The following SIL1 variants were observed in gnomAD, a reference collection of about 807,000 sequenced individuals.
SIL1 encodes the protein SIL1 nucleotide exchange factor, also known as nucleotide exchange factor SIL1.
SIL1 carries 40 observed loss-of-function variants against 49.1 expected under a neutral mutation model. The observed-to-expected ratio is 0.81, with a 90% CI of 0.63 to 1.06. SIL1 has a LOEUF of 1.06. SIL1 is among the 50% of genes least tolerant of loss of function. The pLI is 0.00. For synonymous variants in SIL1, 253 were observed against 250.8 expected (o/e 1.01, Z -0.08); for missense variants, 500 against 572.6 (o/e 0.87, Z 1.29).
At chr5:138,957,374 T>C (rs58421622) in intron 7 of SIL1, among the ~76,000 whole-genome samples, 6,220 of 145,364 alleles carry the variant, frequency 0.043, 413 homozygotes, top group African/African-American at 0.15. Context: ...AGTTTGAAAC[T>C]AGCCTGGACA....
intron 1 of SIL1, among the ~76,000 whole-genome samples, chr5:139,139,567 A>C (rs183903292): frequency 6.6e-6 from 1 of 152,256 alleles, no homozygotes; most frequent in East Asian, 1.9e-4. Context: ...CCTTGAGCAC[A>C]CTGGGCACCA....
intron 1 of SIL1, among the ~76,000 whole-genome samples, chr5:139,140,926 C>G (rs1163898844): frequency 6.6e-6 from 1 of 152,164 alleles, no homozygotes; most frequent in Non-Finnish European, 1.5e-5. Flanking sequence ...GCGGCAGCTC[C>G]ACTTCAGAGC....
At chr5:139,169,799 G>C (rs1751700095) in intron 1 of SIL1, among the ~76,000 whole-genome samples, 1 of 145,074 alleles carries the variant, frequency 6.9e-6, no homozygotes, top group Non-Finnish European at 1.5e-5. Flanking sequence ...GTATATTTAA[G>C]AAAAAAAAAA....
chr5:138,947,010 A>G lies in SIL1; in HGVS notation c.*107T>C. 2.3e-6 allele frequency: 2 copies of G among 856,602 alleles called. No homozygotes were observed. The highest frequency in any genetic ancestry group is 3.9e-6 in the Non-Finnish European group (2 of 513,686). 53.1% of individuals were successfully genotyped at this position (856,602 alleles called of 1,614,324 possible). A position where few individuals can be genotyped will look rare whatever the true frequency, so the allele number is the denominator to read the frequency against. On this transcript the variant is annotated 3_prime_UTR_variant, in exon 10 of 10. Coordinates refer to ENST00000394817, the MANE Select transcript of SIL1 (RefSeq NM_022464.5). This position sits in a 1 kb window ranked among gnomAD's most constrained non-coding sequence, Gnocchi z 4.1. Reference sequence around the variant, plus strand: ...AGGATGGCCTTCAGGTTTCCATTTAATGGCCAAGCCAGCACTGCCAAGATG... The same window carrying G: ...AGGATGGCCTTCAGGTTTCCATTTAGTGGCCAAGCCAGCACTGCCAAGATG...
intron 7 of SIL1, among the ~76,000 whole-genome samples, chr5:138,953,728 T>C (rs1289458955): frequency 6.6e-6 from 1 of 152,230 alleles, no homozygotes; most frequent in African/African-American, 2.4e-5. Context: ...CATCAAAGCA[T>C]GAGCTAATTA....
chr5:139,162,456 T>TC (rs1380827061), intron 1 of SIL1, among the ~76,000 whole-genome samples: 1 of 151,258 alleles, frequency 6.6e-6, no homozygotes, highest in Non-Finnish European at 1.5e-5. Context: ...AACCACAAAC[T>TC]CCCCCTTCCA....
chr5:138,961,952 CTTT>C (rs10593901), intron 7 of SIL1, among the ~76,000 whole-genome samples: 4 of 119,742 alleles, frequency 3.3e-5, no homozygotes, highest in African/African-American at 6.2e-5. Flanking sequence ...GTTCTCTAGA[CTTT>C]TTTTTTTTTT....
chr5:138,986,894 T>C (rs1767660026), intron 7 of SIL1, among the ~76,000 whole-genome samples: 1 of 152,058 alleles, frequency 6.6e-6, no homozygotes, highest in Non-Finnish European at 1.5e-5. Context: ...CATTGTAAAA[T>C]AATTCCTGCC....
intron 3 of SIL1, among the ~76,000 whole-genome samples, chr5:139,084,533 A>G (rs1384325651): frequency 7.3e-5 from 8 of 110,100 alleles, no homozygotes; most frequent in Non-Finnish European, 1.5e-4. Context: ...CTATCGCAAG[A>G]ACAAAAAACC....
At chr5:139,169,613 C>T (rs538042084) in intron 1 of SIL1, among the ~76,000 whole-genome samples, 1 of 151,916 alleles carries the variant, frequency 6.6e-6, no homozygotes, top group African/African-American at 2.4e-5. Flanking sequence ...TCCCGAGTAG[C>T]TGGGACTACA....
At chr5:139,063,824 CTT>C (rs1309937870) in intron 3 of SIL1, among the ~76,000 whole-genome samples, 2 of 152,126 alleles carry the variant, frequency 1.3e-5, no homozygotes, top group Non-Finnish European at 2.9e-5. Context: ...ATTTCTGACT[CTT>C]GTTTTTCATA....
rs3088052 is a variant in SIL1 at position 139,121,126 on chromosome 5, T to C, written c.153A>G (p.Thr51=). The C allele has an allele frequency of 0.44, 708,965 of 1,613,918 alleles. 160,014 individuals carry two copies. Among genetic ancestry groups the C allele is most frequent in the African/African-American group, 0.67 (50,429 of 74,962 alleles). ...CCTCGGCTTTGGTTTCTTTTCTCTCTGTTTCTTTGGTGCTGCTCTTCTCTG... is the reference window on the plus strand; with the variant it reads ...CCTCGGCTTTGGTTTCTTTTCTCTCCGTTTCTTTGGTGCTGCTCTTCTCTG... ...TNPEKSSTKE[T]ERKETKAEEE... The change falls in exon 3 of 10, where the codon ACA becomes ACG. Residue 51 remains threonine (T), a synonymous_variant. Coordinates refer to ENST00000394817, the MANE Select transcript of SIL1 (RefSeq NM_022464.5).
chr5:138,969,660 G>A (rs549663012), intron 7 of SIL1, among the ~76,000 whole-genome samples: 6 of 152,386 alleles, frequency 3.9e-5, no homozygotes, highest in Non-Finnish European at 8.8e-5. Context: ...CATTGGAAGA[G>A]GGCAAGGTCA....
intron 7 of SIL1, among the ~76,000 whole-genome samples, chr5:138,966,566 G>C (rs1404288038): frequency 6.6e-6 from 1 of 152,140 alleles, no homozygotes; most frequent in Non-Finnish European, 1.5e-5. Flanking sequence ...GGGTAATGCT[G>C]TCTGGTGGGC....
intron 6 of SIL1, among the ~76,000 whole-genome samples, chr5:139,023,586 A>T (rs1337062506): frequency 6.6e-6 from 1 of 152,220 alleles, no homozygotes; most frequent in Non-Finnish European, 1.5e-5. Flanking sequence ...TTTGCTTTTC[A>T]CATATCCTGT....
intron 1 of SIL1, among the ~76,000 whole-genome samples, chr5:139,152,169 G>T (rs901986201): frequency 6.6e-6 from 1 of 152,164 alleles, no homozygotes; most frequent in African/African-American, 2.4e-5. Context: ...AGGGACTCAG[G>T]CCTGCGGCAG....
intron 1 of SIL1, among the ~76,000 whole-genome samples, chr5:139,134,459 G>A (rs535662006): frequency 6.6e-6 from 1 of 152,086 alleles, no homozygotes; most frequent in Admixed American, 6.6e-5. Context: ...GAATGGAAAT[G>A]ATGACTGCTG....
rs144902419 is a variant in SIL1, at chr5:139,148,454, G to T, written c.-10-20601C>A. 3.3e-3 allele frequency among the ~76,000 whole-genome samples: 503 copies of T among 152,320 alleles called. 3 individuals are homozygous for T. Among genetic ancestry groups the T allele is most frequent in the African/African-American group, 0.011 (473 of 41,568 alleles). ...TCTCCTGCCACAGTAGGCTCCATGG[G>T]GATGGCTTGCCAGCCAGCCTTCTCA... On this transcript the variant is annotated intron_variant, in intron 1 of 9. Coordinates refer to ENST00000394817, the MANE Select transcript of SIL1 (RefSeq NM_022464.5).
intron 7 of SIL1, among the ~76,000 whole-genome samples, chr5:139,002,911 A>ACTTCTGCATGC (rs1235413588): frequency 6.6e-6 from 1 of 152,132 alleles, no homozygotes; most frequent in Non-Finnish European, 1.5e-5. Flanking sequence ...TTAGGTTTGA[A>ACTTCTGCATGC]CTTCTGCATG....
Sources: gnomAD v4.1 joint callset for allele counts (sites outside exome capture counted in the v4.1 genomes callset) on GRCh38, gnomAD v4.1.1 for gene constraint, Gnocchi (gnomAD v3.1) non-coding constraint, MANE v1.5 for transcripts, NCBI Gene and HGNC (gene_info 2026-07-23, HGNC 2026-07-21) for gene names.